Variants in CADM2 observed in about 807,000 individuals in gnomAD.
CADM2 encodes the protein immunoglobulin superfamily member 4D.
Under a neutral mutation model 49.8 loss-of-function variants are expected in CADM2, and 12 were observed. The ratio of observed to expected loss-of-function variants is 0.24; its 90% CI spans 0.15 to 0.39. The LOEUF is 0.39. CADM2 is among the 10% of genes least tolerant of loss of function. CADM2 has a pLI of 1.00. For synonymous variants in CADM2, 214 were observed against 175.4 expected (o/e 1.22, Z -1.74); for missense variants, 378 against 492.3 (o/e 0.77, Z 2.20).
At chr3:85,737,527 C>G (rs976898263) in intron 2 of CADM2, among the ~76,000 whole-genome samples, 3 of 151,158 alleles carry the variant, frequency 2.0e-5, no homozygotes, top group Non-Finnish European at 4.4e-5. Context: ...GCCTAAACTT[C>G]GAAAGAGTCA....
intron 1 of CADM2, among the ~76,000 whole-genome samples, chr3:85,223,581 A>G (rs2042086570): frequency 6.6e-6 from 1 of 152,032 alleles, no homozygotes; most frequent in Non-Finnish European, 1.5e-5. Context: ...AGGAAGACAA[A>G]TGTTTTTATG....
intron 1 of CADM2, among the ~76,000 whole-genome samples, chr3:85,506,194 T>C (rs759009065): frequency 3.3e-5 from 5 of 152,204 alleles, no homozygotes; most frequent in Non-Finnish European, 7.3e-5. Context: ...AAGGGCAGCA[T>C]ATACAAAGTA....
intron 2 of CADM2, among the ~76,000 whole-genome samples, chr3:85,772,491 C>A (rs2070143603): frequency 6.6e-6 from 1 of 150,422 alleles, no homozygotes; most frequent in Middle Eastern, 3.2e-3. Flanking sequence ...CAGACAAATT[C>A]TCAGAAACAA....
At chr3:84,976,548 A>T (rs1001605745) in intron 1 of CADM2, among the ~76,000 whole-genome samples, 1 of 151,762 alleles carries the variant, frequency 6.6e-6, no homozygotes, top group African/African-American at 2.4e-5. Context: ...AAAACCACTT[A>T]TATTTGGTGA....
chr3:85,124,724 A>G (rs778666646), intron 1 of CADM2, among the ~76,000 whole-genome samples: 2 of 152,170 alleles, frequency 1.3e-5, no homozygotes, highest in African/African-American at 4.8e-5. Flanking sequence ...GCCTACCTAA[A>G]AGGTGCTCAG....
At position 86,066,714 on chromosome 3, in the gene CADM2, T is replaced by C. The variant is rs753214857; in HGVS notation, c.1146T>C (p.Ala382=). 4.3e-6 allele frequency: 7 copies of C among 1,614,098 alleles called. No individual in the cohort carries two copies. The highest frequency in any genetic ancestry group is 4.2e-6 in the Non-Finnish European group (5 of 1,179,934). Residue 382 remains alanine, a synonymous_variant, in exon 10 of 10, where the codon GCT becomes GCC. Transcript: ENST00000383699. ...AAGGAGCTGAAGATGCACCAGATGC[T>C]GATACAGCCATTATCAATGCTGAAG... is the stretch of plus-strand genomic sequence containing the variant. ...EAKGAEDAPD[A]DTAIINAEGS...
At chr3:85,183,096 A>T (rs2040975078) in intron 1 of CADM2, among the ~76,000 whole-genome samples, 1 of 152,132 alleles carries the variant, frequency 6.6e-6, no homozygotes, top group Admixed American at 6.6e-5. Flanking sequence ...TTTCCAGATG[A>T]TGTAAATAAA....
intron 1 of CADM2, among the ~76,000 whole-genome samples, chr3:85,229,257 GGACCC>G (rs1255177595): frequency 6.6e-6 from 1 of 152,204 alleles, no homozygotes; most frequent in Non-Finnish European, 1.5e-5. Context: ...GGTGGCCATG[GGACCC>G]GCTGAGCCAG....
intron 1 of CADM2, among the ~76,000 whole-genome samples, chr3:85,350,898 A>G (rs970583914): frequency 1.3e-5 from 2 of 152,198 alleles, no homozygotes; most frequent in Admixed American, 6.6e-5. Context: ...TAATTGAAGC[A>G]TGAGTTACTG....
intron 3 of CADM2, among the ~76,000 whole-genome samples, chr3:85,835,920 A>G (rs1027646459): frequency 2.0e-5 from 3 of 151,214 alleles, no homozygotes; most frequent in Admixed American, 1.3e-4. Flanking sequence ...GAAAGTCACC[A>G]TATTTCTAGT....
In CADM2 at chr3:86,069,307, C is replaced by T. The variant is rs1212987484; in HGVS notation, c.*2524C>T. The stretch of plus-strand genomic sequence containing the variant: ...AGAGTAATATAAAATCTCATTAGAA[C>T]TCTTATAAAACCAGTTAGCTAAAAC... On this transcript the variant is annotated 3_prime_UTR_variant, in exon 10 of 10. Coordinates refer to ENST00000383699, the MANE Select transcript of CADM2 (RefSeq NM_001167675.2). 2.0e-5 allele frequency: 3 copies of T among 151,732 alleles called. No homozygotes were observed. The highest frequency in any genetic ancestry group is 4.4e-5 in the Non-Finnish European group (3 of 67,826). The allele number at this position is 151,732 out of a possible 1,614,324, so 9.4% of individuals were successfully genotyped here.
intron 8 of CADM2, chr3:86,012,512 C>A: frequency 7.9e-7 from 1 of 1,267,600 alleles, no homozygotes. Flanking sequence ...GCGGACTGCC[C>A]TGAGGAGGCC....
intron 1 of CADM2, among the ~76,000 whole-genome samples, chr3:85,561,115 G>A (rs900394510): frequency 2.0e-5 from 3 of 152,064 alleles, no homozygotes; most frequent in African/African-American, 7.2e-5. Context: ...CACACTGATA[G>A]GTTATCCCTT....
At chr3:85,240,866 T>C (rs1576192141) in intron 1 of CADM2, among the ~76,000 whole-genome samples, 2 of 151,572 alleles carry the variant, frequency 1.3e-5, no homozygotes, top group East Asian at 3.9e-4. Context: ...GGAGACGTAA[T>C]AGTTGTACAT....
intron 1 of CADM2, among the ~76,000 whole-genome samples, chr3:85,290,638 C>A (rs146627784): frequency 6.6e-6 from 1 of 152,208 alleles, no homozygotes; most frequent in Non-Finnish European, 1.5e-5. Flanking sequence ...ACCCTTGACC[C>A]CTGAGCTGCC....
At chr3:85,208,104 G>A (rs1212443721) in intron 1 of CADM2, among the ~76,000 whole-genome samples, 1 of 152,134 alleles carries the variant, frequency 6.6e-6, no homozygotes, top group Non-Finnish European at 1.5e-5. Context: ...GGCACTAAAT[G>A]TTAGCATCTC....
At chr3:86,004,267 T>C (rs1368429229) in intron 8 of CADM2, among the ~76,000 whole-genome samples, 3 of 152,204 alleles carry the variant, frequency 2.0e-5, no homozygotes, top group African/African-American at 7.2e-5. Context: ...GAGGTACTTG[T>C]GTTTAGTCAC....
chr3:86,023,655 G>A (rs1733497853), intron 8 of CADM2, among the ~76,000 whole-genome samples: 1 of 152,088 alleles, frequency 6.6e-6, no homozygotes, highest in Admixed American at 6.6e-5. Flanking sequence ...GCCACACCCA[G>A]CCTAGCTCTT....
chr3:85,496,764 GGTTTT>G (rs2039920239), intron 1 of CADM2, among the ~76,000 whole-genome samples: 1 of 151,920 alleles, frequency 6.6e-6, no homozygotes, highest in Non-Finnish European at 1.5e-5. Context: ...ATCTCACTGT[GGTTTT>G]GTTTTGTATG....
Sources: allele counts gnomAD v4.1 joint callset (sites outside exome capture counted in the v4.1 genomes callset), GRCh38; gene constraint gnomAD v4.1.1; transcripts MANE v1.5; gene names NCBI Gene and HGNC (gene_info 2026-07-23, HGNC 2026-07-21).